The following NCKAP5 variants were observed in gnomAD, a reference collection of about 807,000 sequenced individuals.
The protein encoded by NCKAP5 is nck-associated protein 5.
NCKAP5 carries 92 observed loss-of-function variants against 167.0 expected under a neutral mutation model. The observed-to-expected ratio is 0.55, with a 90% CI of 0.47 to 0.66. NCKAP5 has a LOEUF of 0.66. Ranked by LOEUF, NCKAP5 falls within the 30% of genes least tolerant of loss-of-function variation. NCKAP5 has a pLI of 0.00. For missense variants in NCKAP5, 2,378 were observed against 2,315.0 expected, an observed-to-expected ratio of 1.03 and a Z score of -0.56; for synonymous variants, 891 against 877.4, an observed-to-expected ratio of 1.02 and a Z score of -0.27.
At chr2:132,995,424 G>A (rs2077566142) in intron 6 of NCKAP5, among the ~76,000 whole-genome samples, 1 of 152,036 alleles carries the variant, frequency 6.6e-6, no homozygotes, top group Non-Finnish European at 1.5e-5. Flanking sequence ...GCTGAGGTGG[G>A]TGGGTCACCT....
intron 19 of NCKAP5, among the ~76,000 whole-genome samples, chr2:132,695,124 C>A (rs141185528): frequency 4.7e-3 from 717 of 152,206 alleles, no homozygotes; most frequent in Non-Finnish European, 8.1e-3. Flanking sequence ...ATGAAATAAT[C>A]ACCTCCCAAG....
chr2:133,067,925 G>C (rs1053618875), intron 6 of NCKAP5, among the ~76,000 whole-genome samples: 2 of 152,110 alleles, frequency 1.3e-5, no homozygotes, highest in Non-Finnish European at 2.9e-5. Flanking sequence ...GTCCTCAATT[G>C]GGATAATACA....
intron 4 of NCKAP5, among the ~76,000 whole-genome samples, chr2:133,228,639 T>C (rs1333055195): frequency 6.6e-6 from 1 of 152,228 alleles, no homozygotes; most frequent in African/African-American, 2.4e-5. Flanking sequence ...GTGTACATGT[T>C]CACAAAATTG....
intron 3 of NCKAP5, among the ~76,000 whole-genome samples, chr2:133,406,507 C>T (rs185267601): frequency 1.2e-3 from 166 of 139,834 alleles, no homozygotes; most frequent in Non-Finnish European, 1.8e-3. Flanking sequence ...CAGTTTTGCC[C>T]AAGGCTGGAC....
chr2:133,655,361 T>A, the NCKAP5 span, among the ~76,000 whole-genome samples: 1 of 152,220 alleles, frequency 6.6e-6, no homozygotes, highest in South Asian at 2.1e-4. Flanking sequence ...TCTTTTTTGA[T>A]GTGGTTTCAA....
chr2:133,571,425 C>G (rs1688863868), upstream of NCKAP5, among the ~76,000 whole-genome samples: 1 of 152,048 alleles, frequency 6.6e-6, no homozygotes. Context: ...ATGAATGCTG[C>G]TGCCAAAACT....
rs1370229571 is a variant in NCKAP5 at position 132,672,541 on chromosome 2, G to T, written c.*748C>A. The T allele has an allele frequency of 1.3e-5, 2 of 152,314 alleles. No homozygotes were observed. The highest frequency in any genetic ancestry group is 4.8e-5 in the African/African-American group (2 of 41,436). The allele number at this position is 152,314 out of a possible 1,614,324, so 9.4% of individuals were successfully genotyped here. A position where few individuals can be genotyped will look rare whatever the true frequency, so the allele number is the denominator to read the frequency against. ...GGAGGAACCCTCCGATTTTTTGGCA[G>T]GCCCTGTTGTAGGTTTACAGAGTGT... On this transcript the variant is annotated 3_prime_UTR_variant, in exon 20 of 20. Coordinates refer to ENST00000409261, the MANE Select transcript of NCKAP5 (RefSeq NM_207363.3).
chr2:133,538,377 T>G (rs1308891708), intron 2 of NCKAP5, among the ~76,000 whole-genome samples: 1 of 152,166 alleles, frequency 6.6e-6, no homozygotes, highest in Non-Finnish European at 1.5e-5. Flanking sequence ...TACATTTAAT[T>G]TGCAGAGATT....
intron 8 of NCKAP5, among the ~76,000 whole-genome samples, chr2:132,938,515 A>C (rs888291772): frequency 6.6e-6 from 1 of 152,092 alleles, no homozygotes; most frequent in Non-Finnish European, 1.5e-5. Flanking sequence ...ATGTCATCTC[A>C]GACCGAGACT....
intron 15 of NCKAP5, 29 bp from the exon 16 acceptor site, chr2:132,773,923 C>T (rs1226283840): frequency 3.2e-6 from 5 of 1,579,868 alleles, no homozygotes; most frequent in Non-Finnish European, 4.3e-6. Flanking sequence ...GATGCAAGTT[C>T]TTATTTGTTT....
At chr2:132,843,081 T>C (rs552024082) in intron 11 of NCKAP5, among the ~76,000 whole-genome samples, 4 of 152,322 alleles carry the variant, frequency 2.6e-5, no homozygotes, top group African/African-American at 7.2e-5. Context: ...AATCTACATG[T>C]TTTTAAATTT....
At chr2:133,204,078 G>A (rs943612426) in intron 5 of NCKAP5, among the ~76,000 whole-genome samples, 4 of 152,074 alleles carry the variant, frequency 2.6e-5, no homozygotes, top group African/African-American at 7.2e-5. Context: ...AGGCTTAGAC[G>A]TGCCTTCACT....
At chr2:132,972,431 C>A (rs1339711660) in intron 7 of NCKAP5, among the ~76,000 whole-genome samples, 1 of 152,092 alleles carries the variant, frequency 6.6e-6, no homozygotes, top group Non-Finnish European at 1.5e-5. Flanking sequence ...GCTTAGAAAG[C>A]CTTAGTAATT....
intron 6 of NCKAP5, among the ~76,000 whole-genome samples, chr2:133,053,701 T>A (rs1167291819): frequency 6.6e-6 from 1 of 152,202 alleles, no homozygotes; most frequent in Non-Finnish European, 1.5e-5. Context: ...CCAAGTTGCT[T>A]ACAGGGTAAG....
At chr2:133,187,787 C>A (rs2085013583) in intron 5 of NCKAP5, among the ~76,000 whole-genome samples, 1 of 151,936 alleles carries the variant, frequency 6.6e-6, no homozygotes, top group Non-Finnish European at 1.5e-5. Context: ...TTATCAGAGA[C>A]TAGGATTGCA....
At chr2:133,157,887 A>C (rs1163095319) in intron 5 of NCKAP5, among the ~76,000 whole-genome samples, 4 of 152,200 alleles carry the variant, frequency 2.6e-5, no homozygotes, top group Non-Finnish European at 5.9e-5. Flanking sequence ...TCCAACTGAG[A>C]AAGTGATTCT....
At chr2:133,066,208 G>C (rs553757287) in intron 6 of NCKAP5, among the ~76,000 whole-genome samples, 1 of 152,262 alleles carries the variant, frequency 6.6e-6, no homozygotes, top group East Asian at 1.9e-4. Flanking sequence ...ACAAATTAAA[G>C]GCTTAATTAC....
At chr2:133,207,902 A>G (rs2086026848) in intron 5 of NCKAP5, among the ~76,000 whole-genome samples, 1 of 152,190 alleles carries the variant, frequency 6.6e-6, no homozygotes, top group Non-Finnish European at 1.5e-5. Flanking sequence ...CATATTTCCC[A>G]TGTCCATAAG....
At chr2:132,855,201 G>A (rs6720054) in intron 11 of NCKAP5, among the ~76,000 whole-genome samples, 4,665 of 152,180 alleles carry the variant, frequency 0.031, 246 homozygotes, top group African/African-American at 0.11. Context: ...CTTTCTGCAC[G>A]TCTGGCAGGT....
Sources: gnomAD v4.1 joint callset for allele counts (sites outside exome capture counted in the v4.1 genomes callset) on GRCh38, gnomAD v4.1.1 for gene constraint, MANE v1.5 for transcripts, NCBI Gene and HGNC (gene_info 2026-07-23, HGNC 2026-07-21) for gene names.